The following ARHGEF10 variants were observed in gnomAD, a reference collection of about 807,000 sequenced individuals.
ARHGEF10 encodes the protein Rho guanine nucleotide exchange factor 10.
ARHGEF10 carries 140 observed loss-of-function variants against 147.4 expected under a neutral mutation model. The observed-to-expected ratio is 0.95, with a 90% confidence interval of 0.83 to 1.09. The LOEUF is 1.09. Among genes scored for constraint, ARHGEF10 ranks in the 50% least tolerant of loss-of-function variants. The pLI is 0.00. For missense variants in ARHGEF10, 2,222 were observed against 1,752.7 expected, an observed-to-expected ratio of 1.27 and a Z score of -4.78; for synonymous variants, 902 against 695.8, an observed-to-expected ratio of 1.30 and a Z score of -4.67.
chr8:1,843,946 C>T (rs1355026093), intron 2 of ARHGEF10, among the ~76,000 whole-genome samples: 1 of 152,226 alleles, frequency 6.6e-6, no homozygotes, highest in Non-Finnish European at 1.5e-5. Context: ...ATTGTCACCT[C>T]ACCTGAGTTA....
Position 1,903,265 on chromosome 8 carries a change from C to A in ARHGEF10, c.1651-16C>A. ...GTCCACGTGGTAACTGCCCACCTCT[C>A]CCCTGTTGCTTGTAGGACATGCTGA... On this transcript the variant is annotated splice_polypyrimidine_tract_variant and intron_variant, in intron 15 of 28. Transcript: ENST00000349830. The A allele has an allele frequency of 6.2e-7, 1 of 1,614,014 alleles. No individual in the cohort carries two copies. The highest frequency in any genetic ancestry group is 8.5e-7 in the Non-Finnish European group (1 of 1,180,014).
At chr8:1,890,702 G>A (rs997110689) in intron 11 of ARHGEF10, among the ~76,000 whole-genome samples, 1 of 134,690 alleles carries the variant, frequency 7.4e-6, no homozygotes, top group African/African-American at 3.0e-5. Context: ...AGTGGGTCAC[G>A]GGGTCCGTGG....
At chr8:1,892,088 G>A (rs1305457317) in intron 11 of ARHGEF10, among the ~76,000 whole-genome samples, 2 of 151,452 alleles carry the variant, frequency 1.3e-5, no homozygotes, top group Admixed American at 6.6e-5. Context: ...CCCCACAACT[G>A]TGACTCAGGA....
intron 7 of ARHGEF10, among the ~76,000 whole-genome samples, chr8:1,873,914 C>T (rs1807408580): frequency 6.6e-6 from 1 of 151,814 alleles, no homozygotes; most frequent in Non-Finnish European, 1.5e-5. Context: ...TCGGTCAGTT[C>T]AGCACGTAGG....
intron 10 of ARHGEF10, among the ~76,000 whole-genome samples, chr8:1,884,134 C>CTGTA (rs1554491358): frequency 1.3e-5 from 2 of 152,120 alleles, no homozygotes; most frequent in Non-Finnish European, 2.9e-5. Context: ...TGGCTCATGC[C>CTGTA]TGTAATCCCA....
intron 28 of ARHGEF10, among the ~76,000 whole-genome samples, chr8:1,954,196 C>G (rs1815294328): frequency 6.6e-6 from 1 of 152,070 alleles, no homozygotes; most frequent in South Asian, 2.1e-4. Context: ...CAGGTTCAAG[C>G]TATTCTCCTG....
intron 14 of ARHGEF10, among the ~76,000 whole-genome samples, 161 bp downstream of exon 14, chr8:1,896,610 A>G (rs898746660): frequency 6.6e-6 from 1 of 152,192 alleles, no homozygotes; most frequent in African/African-American, 2.4e-5. Flanking sequence ...TTTAGGTCCT[A>G]ATGTAGCTTT....
At chr8:1,945,457 A>G (rs1356656624) in intron 26 of ARHGEF10, 24 bp from the exon 27 acceptor site, 14 of 1,568,040 alleles carry the variant, frequency 8.9e-6, no homozygotes, top group Non-Finnish European at 1.1e-5. Flanking sequence ...CGGGGCTAGC[A>G]GACTTGACCT....
Position 1,880,086 on chromosome 8 carries a change from G to A in ARHGEF10, c.882G>A (p.Glu294=). Residue 294 remains glutamate, a synonymous_variant, in exon 9 of 29, where the codon GAG becomes GAA. Coordinates refer to ENST00000349830, the MANE Select transcript of ARHGEF10 (RefSeq NM_014629.4). ...HDLTRLKEHY[E]KKMRDLMAST... is the part of the protein sequence containing the mutation. ...TAACCCGTTTAAAGGAGCACTATGA[G>A]AAAAAGATGAGAGATTTGATGGCAA... is the stretch of plus-strand genomic sequence containing the variant. 2 of 1,614,164 alleles carry A rather than the reference G, an allele frequency of 1.2e-6. No homozygotes were observed. The highest frequency in any genetic ancestry group is 1.7e-6 in the Non-Finnish European group (2 of 1,179,998).
intron 17 of ARHGEF10, among the ~76,000 whole-genome samples, chr8:1,907,711 C>G (rs953143024): frequency 1.3e-5 from 2 of 152,178 alleles, no homozygotes; most frequent in African/African-American, 4.8e-5. Flanking sequence ...AAATAACGCC[C>G]CTGCCTTTCC....
chr8:1,832,527 G>GAGGC (rs1803204505), intron 1 of ARHGEF10, among the ~76,000 whole-genome samples: 1 of 144,920 alleles, frequency 6.9e-6, no homozygotes, highest in Non-Finnish European at 1.5e-5. Context: ...GACAGAGGTA[G>GAGGC]AGAGACACAG....
At chr8:1,866,630 A>G in intron 6 of ARHGEF10, 28 bp downstream of exon 6, 4 of 1,597,642 alleles carry the variant, frequency 2.5e-6, no homozygotes, top group Non-Finnish European at 3.4e-6. Flanking sequence ...CCACAGCCAG[A>G]ATCCTCACCA....
chr8:1,831,451 G>A (rs1199449131), intron 1 of ARHGEF10, among the ~76,000 whole-genome samples: 1 of 121,868 alleles, frequency 8.2e-6, no homozygotes, highest in Admixed American at 8.0e-5. Context: ...GAGGGACAGT[G>A]TGACGGCCGT....
Position 1,929,581 on chromosome 8 carries a change from GC to G in ARHGEF10, c.3079+141del, listed in dbSNP as rs1812955279. The G allele has an allele frequency of 3.9e-6, 4 of 1,029,762 alleles. No homozygotes were observed. In the South Asian group the frequency reaches 7.5e-5, roughly 19 times the overall value. The allele number at this position is 1,029,762 out of a possible 1,614,324, so 63.8% of individuals were successfully genotyped here. ...CTCCGCCCCTGCGCTCGTCACCCTT[GC>G]CCAAGGCCCGGGTGCCTTGCTTCTT... On this transcript the variant is annotated intron_variant, in intron 25 of 28. Transcript: ENST00000349830.
intron 1 of ARHGEF10, among the ~76,000 whole-genome samples, chr8:1,841,643 G>T (rs939330077): frequency 1.3e-5 from 2 of 151,964 alleles, no homozygotes; most frequent in African/African-American, 4.8e-5. Context: ...ATCTCTCGGG[G>T]CCTGATGATG....
At position 1,929,391 on chromosome 8, in the gene ARHGEF10, C is replaced by A. The variant is rs765795976; in HGVS notation, c.3027C>A (p.Ser1009Arg). Residue 1009 changes from serine to arginine, a missense_variant, in exon 25 of 29, where the codon AGC becomes AGA. Physicochemically the swap from Ser to Arg is moderately radical, Grantham distance 110 (BLOSUM62 -1). Transcript: ENST00000349830. ...TGAGCCTGGCTTGCACGTCTCAGAGCCTGTACGCTGGCCTGGTCAACGGGG... is the reference window on the plus strand; with the variant it reads ...TGAGCCTGGCTTGCACGTCTCAGAGACTGTACGCTGGCCTGGTCAACGGGG... ...TVMSLACTSQ[S>R]LYAGLVNGAV... is the part of the protein sequence containing the mutation. 1 of 1,613,366 alleles carries A rather than the reference C, an allele frequency of 6.2e-7. No individual in the cohort carries two copies. Among genetic ancestry groups the A allele is most frequent in the Non-Finnish European group, 8.5e-7 (1 of 1,180,020 alleles).
intron 11 of ARHGEF10, among the ~76,000 whole-genome samples, chr8:1,887,596 T>G (rs1808788799): frequency 6.8e-6 from 1 of 147,100 alleles, no homozygotes; most frequent in Admixed American, 6.7e-5. Flanking sequence ...GAGGGGTCTG[T>G]GAGAAGTCCC....
chr8:1,943,582 C>T (rs1227131847), intron 26 of ARHGEF10: 3 of 152,136 alleles, frequency 2.0e-5, no homozygotes, highest in African/African-American at 7.2e-5. Context: ...TGTGAAGATC[C>T]TGTGAAGCTT....
intron 26 of ARHGEF10, among the ~76,000 whole-genome samples, chr8:1,939,781 G>T (rs1371455853): frequency 6.6e-6 from 1 of 152,210 alleles, no homozygotes; most frequent in Non-Finnish European, 1.5e-5. Flanking sequence ...GGGACAAGGA[G>T]CTTAGGTCCT....
Sources: gnomAD v4.1 joint callset for allele counts (sites outside exome capture counted in the v4.1 genomes callset) on GRCh38, gnomAD v4.1.1 for gene constraint, MANE v1.5 for transcripts, NCBI Gene and HGNC (gene_info 2026-07-23, HGNC 2026-07-21) for gene names.